Variants in FGF12 observed in about 807,000 individuals in gnomAD.
FGF12 encodes the protein fibroblast growth factor 12.
FGF12 carries 14 observed loss-of-function variants against 23.6 expected under a neutral mutation model. That is an observed-to-expected ratio of 0.59 (90% CI 0.39 to 0.93). The LOEUF (loss-of-function observed/expected upper bound fraction) is 0.93, where lower values mean the gene tolerates loss of function less well. Ranked by LOEUF, FGF12 falls within the 40% of genes least tolerant of loss-of-function variation. The pLI is 0.00. For missense variants in FGF12, 175 were observed against 217.8 expected (o/e 0.80, Z 1.24); for synonymous variants, 62 against 77.3 (o/e 0.80, Z 1.04).
chr3:192,284,495 ACT>A (rs1410904019), intron 4 of FGF12, among the ~76,000 whole-genome samples: 1 of 152,004 alleles, frequency 6.6e-6, no homozygotes, highest in East Asian at 1.9e-4. Context: ...ATGATATGAG[ACT>A]CTAGCTAAAT....
intron 2 of FGF12, chr3:192,516,690 T>C (rs745574206): frequency 5.3e-5 from 8 of 152,310 alleles, no homozygotes; most frequent in Non-Finnish European, 1.0e-4. Flanking sequence ...TTGGGGTGAT[T>C]CCAAGATTCA....
At chr3:192,193,235 T>C (rs1411410518) in intron 4 of FGF12, among the ~76,000 whole-genome samples, 1 of 152,234 alleles carries the variant, frequency 6.6e-6, no homozygotes, top group African/African-American at 2.4e-5. Context: ...TGTTCTGGAT[T>C]GTCAATGTTC....
chr3:192,244,957 C>T (rs1292931018), intron 4 of FGF12: 1 of 152,200 alleles, frequency 6.6e-6, no homozygotes, highest in East Asian at 1.9e-4. Flanking sequence ...TTAACTGCCC[C>T]TTTTGAATAT....
At chr3:192,204,501 C>T (rs367858697) in intron 4 of FGF12, among the ~76,000 whole-genome samples, 68 of 152,252 alleles carry the variant, frequency 4.5e-4, no homozygotes, top group African/African-American at 1.6e-3. Context: ...TGCCACAATC[C>T]AGGCAGATAA....
intron 2 of FGF12, among the ~76,000 whole-genome samples, chr3:192,623,377 G>T (rs146978011): frequency 6.6e-6 from 1 of 152,138 alleles, no homozygotes; most frequent in Non-Finnish European, 1.5e-5. Flanking sequence ...AAAATTACAC[G>T]TTTTGATGCT....
chr3:192,549,322 T>C (rs1725571888), intron 2 of FGF12, among the ~76,000 whole-genome samples: 1 of 152,078 alleles, frequency 6.6e-6, no homozygotes, highest in Admixed American at 6.6e-5. Context: ...AACTTAGTAA[T>C]TGATTGTGTG....
At chr3:192,407,885 A>G in intron 2 of FGF12, 1 of 950,874 alleles carries the variant, frequency 1.1e-6, no homozygotes, top group African/African-American at 1.6e-5. Flanking sequence ...AGTGGTTGAA[A>G]GAAGTCTGGA....
At chr3:192,516,794 C>A (rs1278161852) in intron 2 of FGF12, 1 of 152,224 alleles carries the variant, frequency 6.6e-6, no homozygotes, top group Non-Finnish European at 1.5e-5. Context: ...CCTTGAAGAT[C>A]TTCCTAAAAC....
intron 2 of FGF12, among the ~76,000 whole-genome samples, chr3:192,366,699 T>G (rs568582359): frequency 6.6e-6 from 1 of 151,948 alleles, no homozygotes; most frequent in Non-Finnish European, 1.5e-5. Context: ...AGGAGCCAAA[T>G]AAAGAGGGTA....
chr3:192,564,740 G>T (rs543329229), intron 2 of FGF12, among the ~76,000 whole-genome samples: 2 of 152,290 alleles, frequency 1.3e-5, no homozygotes, highest in East Asian at 3.9e-4. Flanking sequence ...TTGACATTCT[G>T]CATTCCACTG....
At chr3:192,640,876 G>A (rs922353711) in intron 2 of FGF12, among the ~76,000 whole-genome samples, 6 of 151,822 alleles carry the variant, frequency 4.0e-5, no homozygotes, top group Non-Finnish European at 7.4e-5. Context: ...GCAGTGTCCC[G>A]ATCATGGCTC....
At chr3:192,198,322 C>T (rs761987802) in intron 4 of FGF12, among the ~76,000 whole-genome samples, 42 of 152,082 alleles carry the variant, frequency 2.8e-4, no homozygotes, top group South Asian at 6.2e-4. Flanking sequence ...TTAAAACTGA[C>T]AAGATTTTTT....
chr3:192,600,358 C>T lies in FGF12; in HGVS notation c.13+126823G>A, dbSNP rs548605798. Reference sequence around the variant, plus strand: ...CAGCTTTGTTTGTTTTGCTCAGAATCGTTTTGGCTATTTGGGGTCTTTTGT... The same window carrying T: ...CAGCTTTGTTTGTTTTGCTCAGAATTGTTTTGGCTATTTGGGGTCTTTTGT... On this transcript the variant is annotated intron_variant, in intron 2 of 5. Coordinates refer to ENST00000445105, the MANE Select transcript of FGF12 (RefSeq NM_004113.6). Among the ~76,000 whole-genome samples, 269 of 151,852 alleles carry T rather than the reference C, an allele frequency of 1.8e-3. 1 individual carries two copies. The highest frequency in any genetic ancestry group is 4.4e-3 in the South Asian group (21 of 4,814).
At chr3:192,205,676 T>A (rs78975475) in intron 4 of FGF12, among the ~76,000 whole-genome samples, 4,584 of 152,246 alleles carry the variant, frequency 0.03, 237 homozygotes, top group African/African-American at 0.1. Flanking sequence ...TGCCACCTCA[T>A]GTTTTCGGCC....
chr3:192,707,847 G>A (rs367828079), intron 2 of FGF12, among the ~76,000 whole-genome samples: 28 of 152,066 alleles, frequency 1.8e-4, no homozygotes, highest in African/African-American at 6.7e-4. Context: ...CCAAGGTGCA[G>A]GAGAAAGTTT....
intron 2 of FGF12, among the ~76,000 whole-genome samples, chr3:192,376,679 T>C (rs1719526709): frequency 6.6e-6 from 1 of 152,222 alleles, no homozygotes; most frequent in East Asian, 1.9e-4. Context: ...AATCATTTTC[T>C]TCAAAATTCA....
At chr3:192,458,226 C>G (rs1722740358) in intron 2 of FGF12, among the ~76,000 whole-genome samples, 1 of 152,178 alleles carries the variant, frequency 6.6e-6, no homozygotes, top group Admixed American at 6.5e-5. Context: ...AGTCCCCACA[C>G]AGAGTCCCTA....
chr3:192,292,579 T>A (rs921193905), intron 4 of FGF12, among the ~76,000 whole-genome samples: 1 of 152,194 alleles, frequency 6.6e-6, no homozygotes, highest in African/African-American at 2.4e-5. Context: ...TATTCAAATA[T>A]GCATACAATT....
chr3:192,167,769 A>ATATATATATATATATATAT (rs1553845519), intron 5 of FGF12, among the ~76,000 whole-genome samples: 10 of 38,858 alleles, frequency 2.6e-4, no homozygotes, highest in African/African-American at 8.6e-4. Flanking sequence ...ATATATATAT[A>ATATATATATATATATATAT]AAATTTTTTT....
Sources: allele counts gnomAD v4.1 joint callset (sites outside exome capture counted in the v4.1 genomes callset), GRCh38; gene constraint gnomAD v4.1.1; transcripts MANE v1.5; gene names NCBI Gene and HGNC (gene_info 2026-07-23, HGNC 2026-07-21).